SHOX: variants seen among roughly 807,000 people sequenced by gnomAD.
SHOX encodes short stature homeobox protein.
SHOX carries 12 observed loss-of-function variants against 29.6 expected under a neutral mutation model. That is an observed-to-expected ratio of 0.41 (90% CI 0.26 to 0.66). The LOEUF (loss-of-function observed/expected upper bound fraction) is 0.66. Among genes scored for constraint, SHOX ranks in the 30% least tolerant of loss-of-function variants. The pLI is 0.35. For synonymous variants in SHOX, 214 were observed against 200.6 expected (o/e 1.07, Z -0.57); for missense variants, 499 against 437.7 (o/e 1.14, Z -1.25).
rs746868974 is a variant in SHOX at position 648,889 on chromosome X, C to CCT, written c.*4253_*4254insCT. Among the ~76,000 whole-genome samples, 1 of 141,852 alleles carries CCT rather than the reference C, an allele frequency of 7.0e-6. No individual in the cohort carries two copies. Among genetic ancestry groups the CCT allele is most frequent in the South Asian group, 2.3e-4 (1 of 4,408 alleles). The allele number at this position is 141,852 out of a possible 152,430, so 93.1% of individuals were successfully genotyped here. A position where few individuals can be genotyped will look rare whatever the true frequency, so the allele number is the denominator to read the frequency against. ...ACCAACGCCCTCTTCTCTCTCCCTT[C>CCT]TCCTTCCTTCCTTCCTTCCTTTCTT... On this transcript the variant is annotated 3_prime_UTR_variant, in exon 5 of 5. Coordinates refer to ENST00000686671, the MANE Select transcript of SHOX (RefSeq NM_000451.4).
rs1429925369 is a variant in SHOX at position 650,387 on chromosome X, G to C, written c.*5751G>C. On this transcript the variant is annotated 3_prime_UTR_variant, in exon 5 of 5. Coordinates refer to ENST00000686671, the MANE Select transcript of SHOX (RefSeq NM_000451.4). ...TGGTCCCATTTCCTTGGAAGCCTGA[G>C]TTTCTGTTCTGGTCTTGCTGCTGTC... 6.6e-6 allele frequency among the ~76,000 whole-genome samples: 1 copy of C among 152,140 alleles called. No individual in the cohort carries two copies. Among genetic ancestry groups the C allele is most frequent in the Non-Finnish European group, 1.5e-5 (1 of 68,020 alleles).
downstream of SHOX, among the ~76,000 whole-genome samples, chrX:654,016 C>A (rs71204360): frequency 0.11 from 16,369 of 152,128 alleles, 1,031 homozygotes; most frequent in African/African-American, 0.16. Context: ...CTACTCTACA[C>A]GTTTTCCCAA....
intron 1 of SHOX, among the ~76,000 whole-genome samples, chrX:631,614 C>A (rs1333315156): frequency 6.6e-6 from 1 of 152,210 alleles, no homozygotes; most frequent in Non-Finnish European, 1.5e-5. Flanking sequence ...TCACTGCAAC[C>A]TCTGCCTCCT....
intron 2 of SHOX, 31 bp from the exon 3 acceptor site, chrX:640,790 C>T: frequency 1.2e-6 from 2 of 1,613,266 alleles, no homozygotes; most frequent in Non-Finnish European, 1.7e-6. Context: ...GTTCACAGGG[C>T]TCTTCACATC....
intron 5 of SHOX, among the ~76,000 whole-genome samples, chrX:658,564 G>A (rs1167418363): frequency 3.3e-5 from 5 of 150,002 alleles, no homozygotes; most frequent in Admixed American, 6.7e-5. Flanking sequence ...TCCTCTTCCC[G>A]GGTTCACGCC....
intron 2 of SHOX, among the ~76,000 whole-genome samples, chrX:637,467 G>T (rs1472075631): frequency 1.3e-5 from 2 of 151,990 alleles, no homozygotes; most frequent in African/African-American, 4.8e-5. Context: ...TGGTTGTGGG[G>T]TGTGTGCGGA....
upstream of SHOX, among the ~76,000 whole-genome samples, chrX:627,295 G>A (rs1330495120): frequency 6.6e-6 from 1 of 152,192 alleles, no homozygotes; most frequent in Non-Finnish European, 1.5e-5. Flanking sequence ...GTGTGGGGTA[G>A]AAAAAGCTCT....
Position 646,941 on chromosome X carries a change from C to T in SHOX, c.*2305C>T, listed in dbSNP as rs2052976423. 8.3e-6 allele frequency: 1 copy of T among 120,242 alleles called. No individual in the cohort carries two copies. The highest frequency in any genetic ancestry group is 1.7e-5 in the Non-Finnish European group (1 of 58,336). The allele number at this position is 120,242 out of a possible 1,614,324, so 7.4% of individuals were successfully genotyped here. A position where few individuals can be genotyped will look rare whatever the true frequency, so the allele number is the denominator to read the frequency against. On this transcript the variant is annotated 3_prime_UTR_variant, in exon 5 of 5. Coordinates refer to ENST00000686671, the MANE Select transcript of SHOX (RefSeq NM_000451.4). ...AAAGTGGTTGGTAAGATATGTACAG[C>T]CCTAGATTTTTTTTTTTTAACCAAA...
chrX:626,375 C>G (rs867790895), upstream of SHOX, among the ~76,000 whole-genome samples: 17 of 103,352 alleles, frequency 1.6e-4, no homozygotes, highest in African/African-American at 5.2e-4. Flanking sequence ...TCCTCTCTCT[C>G]TTTCTCTGTC....
chrX:634,958 G>A, intron 2 of SHOX, 132 bp downstream of exon 2: 1 of 946,590 alleles, frequency 1.1e-6, no homozygotes, highest in Non-Finnish European at 1.5e-6. Flanking sequence ...GTTGGGTGAG[G>A]GACGGGCTGG....
chrX:630,119 G>A (rs751181153), upstream of SHOX, among the ~76,000 whole-genome samples: 1 of 152,098 alleles, frequency 6.6e-6, no homozygotes, highest in East Asian at 1.9e-4. Flanking sequence ...CGGCCCCGGG[G>A]ATCCTCGGCC....
At position 644,773 on chromosome X, in the gene SHOX, A is replaced by T; in HGVS notation, c.*137A>T. The stretch of plus-strand genomic sequence containing the variant: ...CGGGCACCCCGGGAGCTCCTGCAAG[A>T]GGCCTGAGGAGGGAGGCTCCCGGGA... On this transcript the variant is annotated 3_prime_UTR_variant, in exon 5 of 5. Transcript: ENST00000686671. The T allele has an allele frequency of 1.7e-6, 2 of 1,183,810 alleles. No homozygotes were observed. Among genetic ancestry groups the T allele is most frequent in the Non-Finnish European group, 2.2e-6 (2 of 912,254 alleles). The allele number at this position is 1,183,810 out of a possible 1,614,324, so 73.3% of individuals were successfully genotyped here.
At position 650,084 on chromosome X, in the gene SHOX, G is replaced by A. The variant is rs1221502541; in HGVS notation, c.*5448G>A. ...TTAGAAAAATGCACCTTCTCTGGTG[G>A]CCGTTGGGGTGTTGTTTCACAGGCA... On this transcript the variant is annotated 3_prime_UTR_variant, in exon 5 of 5. Transcript: ENST00000686671. The A allele has an allele frequency of 1.1e-5, 5 of 449,656 alleles. No homozygotes were observed. The highest frequency in any genetic ancestry group is 1.3e-5 in the Non-Finnish European group (3 of 223,940). 27.9% of individuals were successfully genotyped at this position (449,656 alleles called of 1,614,324 possible).
chrX:635,855 AGG>A (rs1459525296), intron 2 of SHOX, among the ~76,000 whole-genome samples: 42 of 57,398 alleles, frequency 7.3e-4, no homozygotes, highest in African/African-American at 2.5e-3. Context: ...AAGTGGGGGG[AGG>A]GAGAGAGAGA....
chrX:643,667 TCGGGAGAGAGCCTTGGGGACCTGGTGACC>T (rs1419246156), intron 4 of SHOX, among the ~76,000 whole-genome samples: 470 of 111,064 alleles, frequency 4.2e-3, no homozygotes, highest in African/African-American at 0.017. Context: ...ACCTGGTGTC[TCGGGAGAGAGCCTTGGGGACCTGGTGACC>T]CGGGAGAGGC....
chrX:636,947 A>ATATATATATATATATATATATAT (rs1569494124), intron 2 of SHOX, among the ~76,000 whole-genome samples: 3 of 78,954 alleles, frequency 3.8e-5, no homozygotes, highest in African/African-American at 1.3e-4. Flanking sequence ...TTCATTTAAA[A>ATATATATATATATATATATATAT]ATATATATAT....
At chrX:654,401 A>C (rs968082627), downstream of SHOX, among the ~76,000 whole-genome samples, 1 of 152,032 alleles carries the variant, frequency 6.6e-6, no homozygotes, top group Non-Finnish European at 1.5e-5. Context: ...CCTTCAAGAG[A>C]CTCACCTAAC....
intron 5 of SHOX, among the ~76,000 whole-genome samples, chrX:657,811 A>G (rs947368149): frequency 9.9e-5 from 15 of 152,200 alleles, no homozygotes; most frequent in African/African-American, 3.4e-4. Context: ...TTTGAATGGA[A>G]CACATTCAGG....
Position 644,386 on chromosome X carries a change from C to G in SHOX, c.634-5C>G. ...GCCCTCACCCCGCCGGGTCCGCTCC[C>G]GCAGGTCCAGGCTCAGCTGCAGCTG... On this transcript the variant is annotated splice_region_variant and splice_polypyrimidine_tract_variant and intron_variant, in intron 4 of 4. Coordinates refer to ENST00000686671, the MANE Select transcript of SHOX (RefSeq NM_000451.4). The G allele has an allele frequency of 6.6e-7, 1 of 1,520,152 alleles. No homozygotes were observed. Among genetic ancestry groups the G allele is most frequent in the Non-Finnish European group, 8.8e-7 (1 of 1,141,422 alleles). The allele number at this position is 1,520,152 out of a possible 1,614,324, so 94.2% of individuals were successfully genotyped here. A position where few individuals can be genotyped will look rare whatever the true frequency, so the allele number is the denominator to read the frequency against.
Sources: gnomAD v4.1 joint callset for allele counts (sites outside exome capture counted in the v4.1 genomes callset) on GRCh38, gnomAD v4.1.1 for gene constraint, MANE v1.5 for transcripts, NCBI Gene and HGNC (gene_info 2026-07-23, HGNC 2026-07-21) for gene names.